GRIN2D: variants seen among roughly 807,000 people sequenced by gnomAD.
GRIN2D encodes glutamate receptor ionotropic, NMDA 2D.
GRIN2D carries 37 observed loss-of-function variants against 103.2 expected under a neutral mutation model. That is an observed-to-expected ratio of 0.36 (90% confidence interval 0.28 to 0.47). The LOEUF (loss-of-function observed/expected upper bound fraction) is 0.47. Among genes scored for constraint, GRIN2D ranks in the 20% least tolerant of loss-of-function variants. The probability of loss-of-function intolerance (pLI) is 1.00; values close to 1 mark genes in which losing one functional copy is unlikely to be tolerated. For synonymous variants in GRIN2D, 845 were observed against 885.6 expected, an observed-to-expected ratio of 0.95 and a Z score of 0.81; for missense variants, 1,557 against 1,910.6, an observed-to-expected ratio of 0.81 and a Z score of 3.45.
intron 11 of GRIN2D, among the ~76,000 whole-genome samples, chr19:48,432,239 G>A (rs1254188744): frequency 5.5e-5 from 8 of 146,774 alleles, no homozygotes; most frequent in Middle Eastern, 3.5e-3. Context: ...TTTTTTTTTA[G>A]AGGCAGGTTC....
chr19:48,399,354 T>A (rs1053254505), intron 3 of GRIN2D, among the ~76,000 whole-genome samples: 16 of 152,010 alleles, frequency 1.1e-4, no homozygotes, highest in Non-Finnish European at 2.2e-4. Flanking sequence ...TCACTTGAGG[T>A]CACAGGAGTT....
Position 48,442,534 on chromosome 19 carries a change from T to C in GRIN2D, c.2674-66T>C. On this transcript the variant is annotated intron_variant, in intron 13 of 13. Coordinates refer to ENST00000263269, the MANE Select transcript of GRIN2D (RefSeq NM_000836.4). The surrounding 1 kb of genome is among the most constrained non-coding windows in gnomAD (Gnocchi z 7.2). Reference sequence around the variant, plus strand: ...GGGTAAATGGAGAGGAGAGAGGGACTGAGGGGAGGCGGGCAGGCGTCCTGG... The same window carrying C: ...GGGTAAATGGAGAGGAGAGAGGGACCGAGGGGAGGCGGGCAGGCGTCCTGG... 1 of 1,479,164 alleles carries C rather than the reference T, an allele frequency of 6.8e-7. No homozygotes were observed. Among genetic ancestry groups the C allele is most frequent in the Admixed American group, 2.3e-5 (1 of 44,114 alleles). The allele number at this position is 1,479,164 out of a possible 1,614,324, so 91.6% of individuals were successfully genotyped here.
intron 4 of GRIN2D, among the ~76,000 whole-genome samples, chr19:48,409,964 T>C (rs533539955): frequency 6.7e-6 from 1 of 149,668 alleles, no homozygotes; most frequent in African/African-American, 2.5e-5. Flanking sequence ...CTTGTATTTT[T>C]AGTAGAGACG....
Position 48,398,768 on chromosome 19 carries a change from G to T in GRIN2D, c.376G>T (p.Val126Phe). Residue 126 changes from valine (V) to phenylalanine (F), a missense_variant, in exon 3 of 14, where the codon GTC becomes TTC. Val to Phe is a conservative substitution (Grantham distance 50). Coordinates refer to ENST00000263269, the MANE Select transcript of GRIN2D (RefSeq NM_000836.4). ...CGAAGACGACTCGCGCGCGCCCGCC[G>T]TCGCGCCCATCCTCGACTTCCTGTC... Reference protein sequence around the residue: ...VFEDDSRAPAVAPILDFLSAQ... With the variant: ...VFEDDSRAPAFAPILDFLSAQ... The T allele has an allele frequency of 1.4e-6, 2 of 1,465,102 alleles. No homozygotes were observed. Among genetic ancestry groups the T allele is most frequent in the Non-Finnish European group, 1.8e-6 (2 of 1,114,232 alleles). 90.8% of individuals were successfully genotyped at this position (1,465,102 alleles called of 1,614,324 possible).
intron 4 of GRIN2D, among the ~76,000 whole-genome samples, chr19:48,412,860 G>A (rs2147449446): frequency 1.3e-5 from 2 of 149,626 alleles, no homozygotes. Flanking sequence ...GGAGGGCATG[G>A]TGGCTCATGC....
rs1970776324 is a variant in GRIN2D, at chr19:48,405,267, C to A, written c.999C>A (p.Ala333=). ...GVAVVARGAQ[A]LLRDYGFLPE... is the part of the protein sequence containing the mutation. ...CCGTAGTGGCCAGAGGTGCCCAGGC[C>A]CTGCTGCGTGATTATGGTTTCCTTC... is the stretch of plus-strand genomic sequence containing the variant. The change falls in exon 4 of 14, where the codon GCC becomes GCA. Residue 333 remains alanine, a synonymous_variant. Coordinates refer to ENST00000263269, the MANE Select transcript of GRIN2D (RefSeq NM_000836.4). This position sits in a 1 kb window ranked among gnomAD's most constrained non-coding sequence, Gnocchi z 5.1. 1.9e-6 allele frequency: 3 copies of A among 1,600,106 alleles called. No individual in the cohort carries two copies. In the East Asian group the frequency reaches 6.7e-5, roughly 36 times the overall value.
chr19:48,422,773 C>A (rs1013060800), intron 11 of GRIN2D, among the ~76,000 whole-genome samples: 1 of 152,084 alleles, frequency 6.6e-6, no homozygotes, highest in African/African-American at 2.4e-5. Flanking sequence ...CTTTTTACAT[C>A]CCTTTCCCAA....
rs1008522710 is a variant in GRIN2D, at chr19:48,444,060, T to C, written c.*123T>C. 1 of 605,042 alleles carries C rather than the reference T, an allele frequency of 1.7e-6. No homozygotes were observed. The highest frequency in any genetic ancestry group is 2.5e-6 in the Non-Finnish European group (1 of 394,042). The allele number at this position is 605,042 out of a possible 1,614,324, so 37.5% of individuals were successfully genotyped here. On this transcript the variant is annotated 3_prime_UTR_variant, in exon 14 of 14. Transcript: ENST00000263269. This position sits in a 1 kb window ranked among gnomAD's most constrained non-coding sequence, Gnocchi z 5.5. ...GCAGTGGAACTGGCCGGACCCCGCC[T>C]GGAGCAGCGTCCTGCGCCCCCTGGT...
chr19:48,439,392 A>G (rs1971266441), intron 11 of GRIN2D, among the ~76,000 whole-genome samples: 1 of 152,042 alleles, frequency 6.6e-6, no homozygotes, highest in Non-Finnish European at 1.5e-5. Context: ...TATTCTGCAA[A>G]TATCTATCAA....
intron 4 of GRIN2D, among the ~76,000 whole-genome samples, chr19:48,413,772 AAG>A (rs1465206874): frequency 6.6e-6 from 1 of 152,030 alleles, no homozygotes. Context: ...ACCAAGCTGA[AAG>A]AGAGTCTGGA....
At chr19:48,410,043 C>G (rs1381927542) in intron 4 of GRIN2D, among the ~76,000 whole-genome samples, 1 of 151,580 alleles carries the variant, frequency 6.6e-6, no homozygotes, top group Non-Finnish European at 1.5e-5. Flanking sequence ...CCTCAGCCTC[C>G]CAAAGTGCTG....
chr19:48,407,054 T>G (rs904156241), intron 4 of GRIN2D, among the ~76,000 whole-genome samples: 29 of 151,312 alleles, frequency 1.9e-4, no homozygotes, highest in African/African-American at 6.8e-4. Context: ...CTGGGCTCAC[T>G]GCAACCTCCA....
chr19:48,405,030 G>A lies in GRIN2D; in HGVS notation c.762G>A (p.Glu254=). 4.3e-6 allele frequency: 7 copies of A among 1,612,010 alleles called. No homozygotes were observed. Among genetic ancestry groups the A allele is most frequent in the Non-Finnish European group, 5.9e-6 (7 of 1,179,246 alleles). The change falls in exon 4 of 14, where the codon GAG becomes GAA. Residue 254 remains glutamate, a synonymous_variant. Transcript: ENST00000263269. The surrounding 1 kb of genome is among the most constrained non-coding windows in gnomAD (Gnocchi z 5.1). Reference sequence around the variant, plus strand: ...TCTTCTGCGCCCGAGAGGAGGCCGAGCCCGTGTTCCGCGCAGCTGAGGAGG... The same window carrying A: ...TCTTCTGCGCCCGAGAGGAGGCCGAACCCGTGTTCCGCGCAGCTGAGGAGG... ...RLLFCAREEA[E]PVFRAAEEAG...
rs769267509 is a variant in GRIN2D, at chr19:48,413,478, C to CA, written c.1086-507dup. On this transcript the variant is annotated intron_variant, in intron 4 of 13. Transcript: ENST00000263269. ...TGGGTGACAGAGCAAGACTCTGTCTCAAAAAACAAAACAAAAACAAAAACA... is the reference window on the plus strand; with the variant it reads ...TGGGTGACAGAGCAAGACTCTGTCTCAAAAAAACAAAACAAAAACAAAAACA... Among the ~76,000 whole-genome samples the CA allele has an allele frequency of 7.9e-5, 12 of 151,334 alleles. 1 individual carries two copies. Among genetic ancestry groups the CA allele is most frequent in the Admixed American group, 5.9e-4 (9 of 15,182 alleles).
intron 8 of GRIN2D, among the ~76,000 whole-genome samples, chr19:48,416,561 T>C (rs1254898277): frequency 6.6e-6 from 1 of 152,178 alleles, no homozygotes; most frequent in East Asian, 1.9e-4. Context: ...ATTAGCATGG[T>C]ACCAATACCT....
In GRIN2D at chr19:48,432,226, T is replaced by C. The variant is rs547435908; in HGVS notation, c.2253-9543T>C. The stretch of plus-strand genomic sequence containing the variant: ...CACCCGGCCTTCTTTTTCTTTCTTT[T>C]TTTTTTTTTTTAGAGGCAGGTTCTC... On this transcript the variant is annotated intron_variant, in intron 11 of 13. Transcript: ENST00000263269. Among the ~76,000 whole-genome samples the C allele has an allele frequency of 4.2e-4, 63 of 151,284 alleles. No individual in the cohort carries two copies. In the East Asian group the frequency reaches 4.8e-3, roughly 12 times the overall value.
At chr19:48,398,958 G>A in intron 3 of GRIN2D, 101 bp downstream of exon 3, 1 of 1,039,268 alleles carries the variant, frequency 9.6e-7, no homozygotes, top group Non-Finnish European at 1.3e-6. Flanking sequence ...AGAGGGGGCG[G>A]GGACTGTCCT....
intron 11 of GRIN2D, among the ~76,000 whole-genome samples, chr19:48,436,040 C>A (rs912791607): frequency 7.9e-5 from 12 of 152,164 alleles, no homozygotes; most frequent in African/African-American, 2.7e-4. Flanking sequence ...AAACACCTGA[C>A]GGAGGTTGTA....
rs1488259747 is a variant in GRIN2D at position 48,435,850 on chromosome 19, T to C, written c.2253-5919T>C. Reference sequence around the variant, plus strand: ...GGGCAAAGTCCCTGCCTCATGGAACTTAAATTCCAGTGAAGGGAGACGTGC... The same window carrying C: ...GGGCAAAGTCCCTGCCTCATGGAACCTAAATTCCAGTGAAGGGAGACGTGC... On this transcript the variant is annotated intron_variant, in intron 11 of 13. Coordinates refer to ENST00000263269, the MANE Select transcript of GRIN2D (RefSeq NM_000836.4). 2.6e-5 allele frequency among the ~76,000 whole-genome samples: 4 copies of C among 152,232 alleles called. No homozygotes were observed. The East Asian group carries it at 7.7e-4, about 29-fold the overall frequency.
Sources: allele counts gnomAD v4.1 joint callset (sites outside exome capture counted in the v4.1 genomes callset), GRCh38; gene constraint gnomAD v4.1.1; non-coding constraint Gnocchi (gnomAD v3.1); transcripts MANE v1.5; gene names NCBI Gene and HGNC (gene_info 2026-07-23, HGNC 2026-07-21).